Variants in ZFHX3 observed in about 807,000 individuals in gnomAD.
ZFHX3 encodes zinc finger homeobox 3.
ZFHX3 carries 42 observed loss-of-function variants against 279.1 expected under a neutral mutation model. The ratio of observed to expected loss-of-function variants is 0.15; its 90% CI spans 0.12 to 0.19. The LOEUF (loss-of-function observed/expected upper bound fraction) is 0.19. Among genes scored for constraint, ZFHX3 ranks in the 10% least tolerant of loss-of-function variants. The pLI, the probability that ZFHX3 is intolerant of heterozygous loss-of-function variation, is 1.00. For missense variants in ZFHX3, 4,981 were observed against 4,754.0 expected, an observed-to-expected ratio of 1.05 and a Z score of -1.40; for synonymous variants, 2,293 against 1,957.8, an observed-to-expected ratio of 1.17 and a Z score of -4.52.
chr16:73,525,349 A>G (rs933905186), intron 2 of ZFHX3, among the ~76,000 whole-genome samples: 2 of 152,178 alleles, frequency 1.3e-5, no homozygotes, highest in Non-Finnish European at 2.9e-5. Flanking sequence ...GTAGATATGG[A>G]AAGGGACGCG....
chr16:72,893,726 A>G (rs75294258), intron 3 of ZFHX3, among the ~76,000 whole-genome samples: 29 of 152,372 alleles, frequency 1.9e-4, no homozygotes, highest in African/African-American at 6.5e-4. Context: ...AAGAAAATGA[A>G]GCCACGGCTG....
intron 3 of ZFHX3, among the ~76,000 whole-genome samples, chr16:73,404,171 C>G (rs1227375007): frequency 1.3e-5 from 2 of 152,134 alleles, no homozygotes; most frequent in Admixed American, 6.5e-5. Flanking sequence ...CTAATGCCAT[C>G]TAAAGGAGGC....
chr16:73,230,632 G>C lies in ZFHX3; in HGVS notation c.-1104+26415C>G, dbSNP rs142111254. On this transcript the variant is annotated intron_variant, in intron 5 of 17. Coordinates refer to the ZFHX3 transcript ENST00000641206. The stretch of plus-strand genomic sequence containing the variant: ...CTCTTCTTAACTCTGATATTCACAT[G>C]TACCTTCATCAGTAGACCTACTCGG... Among the ~76,000 whole-genome samples, 648 of 152,224 alleles carry C rather than the reference G, an allele frequency of 4.3e-3. 1 individual carries two copies. The highest frequency in any genetic ancestry group is 0.015 in the African/African-American group (625 of 41,524).
intron 2 of ZFHX3, among the ~76,000 whole-genome samples, chr16:73,457,494 C>T (rs761909963): frequency 6.6e-6 from 1 of 152,188 alleles, no homozygotes; most frequent in Non-Finnish European, 1.5e-5. Context: ...GGGAGTCGGC[C>T]GGGCACGCTG....
chr16:73,472,050 C>T (rs1225558536), intron 2 of ZFHX3, among the ~76,000 whole-genome samples: 7 of 152,124 alleles, frequency 4.6e-5, no homozygotes, highest in Admixed American at 3.9e-4. Flanking sequence ...TTCACTTCAC[C>T]TGGAGAAGCC....
chr16:73,507,644 C>T (rs963825033), intron 2 of ZFHX3, among the ~76,000 whole-genome samples: 14 of 151,936 alleles, frequency 9.2e-5, no homozygotes, highest in African/African-American at 2.4e-4. Flanking sequence ...TACAGGTACA[C>T]GCCACCATGC....
In ZFHX3 at chr16:72,982,714, G is replaced by A. The variant is rs543926111; in HGVS notation, c.-49-22520C>T. The stretch of plus-strand genomic sequence containing the variant: ...GGGCCCGAGAAACAAATCCACTAAA[G>A]CACCAAGTGCTGAAGCAAGGATCTT... On this transcript the variant is annotated intron_variant, in intron 1 of 9. Coordinates refer to ENST00000268489, the MANE Select transcript of ZFHX3 (RefSeq NM_006885.4). 2.3e-4 allele frequency among the ~76,000 whole-genome samples: 35 copies of A among 152,262 alleles called. No individual in the cohort carries two copies. In the South Asian group the frequency reaches 6.0e-3, roughly 26 times the overall value.
chr16:73,626,047 G>A (rs375255981), intron 2 of ZFHX3, among the ~76,000 whole-genome samples: 14 of 152,114 alleles, frequency 9.2e-5, no homozygotes, highest in African/African-American at 3.1e-4. Context: ...TAGTAGAGAC[G>A]GGGTTTCATC....
At chr16:73,718,633 T>A (rs976539857) in intron 1 of ZFHX3, among the ~76,000 whole-genome samples, 46 of 149,268 alleles carry the variant, frequency 3.1e-4, no homozygotes, top group South Asian at 8.6e-4. Context: ...TTTATTTTTT[T>A]AAGACAGAGT....
At chr16:73,556,944 A>C (rs1401596604) in intron 2 of ZFHX3, among the ~76,000 whole-genome samples, 1 of 151,732 alleles carries the variant, frequency 6.6e-6, no homozygotes, top group Non-Finnish European at 1.5e-5. Flanking sequence ...AAATACAAAA[A>C]ATTAGCTGGG....
chr16:72,851,931 T>G (rs935413843), intron 4 of ZFHX3, among the ~76,000 whole-genome samples: 1 of 152,200 alleles, frequency 6.6e-6, no homozygotes, highest in Non-Finnish European at 1.5e-5. Flanking sequence ...GGCGGCCAGG[T>G]GAACTAGTTA....
chr16:73,283,470 C>CTT (rs1032984296), intron 4 of ZFHX3, among the ~76,000 whole-genome samples: 4 of 152,170 alleles, frequency 2.6e-5, no homozygotes, highest in African/African-American at 9.7e-5. Flanking sequence ...AGGTTGGAAT[C>CTT]TGATACTGGC....
At chr16:73,037,380 A>G (rs981657369) in intron 1 of ZFHX3, among the ~76,000 whole-genome samples, 3 of 152,188 alleles carry the variant, frequency 2.0e-5, no homozygotes, top group Non-Finnish European at 4.4e-5. Context: ...TGAGTGACAT[A>G]AGATCCCACT....
intron 3 of ZFHX3, among the ~76,000 whole-genome samples, chr16:73,364,890 C>T (rs1286132219): frequency 6.6e-6 from 1 of 152,150 alleles, no homozygotes; most frequent in Non-Finnish European, 1.5e-5. Flanking sequence ...CCCCATTTCC[C>T]ACGGGTGAGC....
intron 3 of ZFHX3, among the ~76,000 whole-genome samples, chr16:73,383,598 G>A (rs1269076163): frequency 6.6e-6 from 1 of 150,854 alleles, no homozygotes; most frequent in Non-Finnish European, 1.5e-5. Context: ...GAGCTCTTGC[G>A]GCTCATCTTT....
chr16:73,308,173 G>C (rs76936074), intron 4 of ZFHX3, among the ~76,000 whole-genome samples: 2,211 of 139,414 alleles, frequency 0.016, 50 homozygotes, highest in Admixed American at 0.07. Context: ...TTTAGGTTTG[G>C]CTGTCTACCT....
At chr16:73,153,032 A>C (rs1045205192) in intron 5 of ZFHX3, among the ~76,000 whole-genome samples, 43 of 151,986 alleles carry the variant, frequency 2.8e-4, no homozygotes, top group African/African-American at 8.5e-4. Context: ...TGTTAGGAGG[A>C]GGTCAGCTGG....
At chr16:73,186,558 T>G (rs912197692) in intron 5 of ZFHX3, among the ~76,000 whole-genome samples, 2 of 151,618 alleles carry the variant, frequency 1.3e-5, no homozygotes, top group African/African-American at 4.9e-5. Flanking sequence ...AGGAAAAGTT[T>G]TTTTTTTTTT....
chr16:72,982,312 A>G (rs1953524583), intron 1 of ZFHX3, among the ~76,000 whole-genome samples: 1 of 152,226 alleles, frequency 6.6e-6, no homozygotes, highest in African/African-American at 2.4e-5. Flanking sequence ...CCTACGAGTC[A>G]TTCTTTCTCA....
Sources: allele counts gnomAD v4.1 joint callset (sites outside exome capture counted in the v4.1 genomes callset), GRCh38; gene constraint gnomAD v4.1.1; transcripts MANE v1.5; gene names NCBI Gene and HGNC (gene_info 2026-07-23, HGNC 2026-07-21).